Variants in ENDOD1 observed in about 807,000 individuals in gnomAD.
ENDOD1 encodes endonuclease domain containing 1.
A neutral mutation model predicts 6.5 loss-of-function variants in ENDOD1; 9 were observed. That is an observed-to-expected ratio of 1.39 (90% CI 0.84 to 2.43). The LOEUF (loss-of-function observed/expected upper bound fraction) is 2.43. Ranked by LOEUF, ENDOD1 falls within the 30% of genes most tolerant of loss-of-function variation. The pLI is 0.00. For synonymous variants in ENDOD1, 255 were observed against 255.2 expected (o/e 1.00, Z 0.01); for missense variants, 648 against 635.5 (o/e 1.02, Z -0.21).
intron 1 of ENDOD1, among the ~76,000 whole-genome samples, chr11:95,121,634 C>A (rs2134173111): frequency 6.6e-6 from 1 of 152,084 alleles, no homozygotes; most frequent in South Asian, 2.1e-4. Context: ...AATTCTGAAA[C>A]AAACAAAAAA....
intron 1 of ENDOD1, among the ~76,000 whole-genome samples, chr11:95,103,100 GGTGTGTGT>G (rs1200141222): frequency 1.2e-5 from 1 of 85,552 alleles, no homozygotes; most frequent in Non-Finnish European, 3.0e-5. Flanking sequence ...AGGCAGAGTG[GGTGTGTGT>G]GTGTGTGTGT....
In ENDOD1 at chr11:95,090,108, G is replaced by T; in HGVS notation, c.181G>T (p.Gly61Cys). The T allele has an allele frequency of 6.3e-7, 1 of 1,584,474 alleles. No homozygotes were observed. Among genetic ancestry groups the T allele is most frequent in the Middle Eastern group, 1.7e-4 (1 of 5,946 alleles). ...CGTGAAGATCTGTCAGCGCGCGGAG[G>T]GTGCTGAGCGCTTCGCCACCCTCTA... ...SHVKICQRAE[G>C]AERFATLYST... The change falls in exon 1 of 2, where the codon GGT (glycine) becomes TGT (cysteine). Residue 61 changes from glycine to cysteine, a missense_variant. Transcript: ENST00000278505.
chr11:95,128,800 G>T lies in ENDOD1; in HGVS notation c.724G>T (p.Asp242Tyr). ...WAMGFVKHTR[D>Y]SDIIEDVMVK... ...CATGGGCTTTGTCAAGCACACCCGG[G>T]ACAGTGACATCATAGAAGATGTGAT... The change falls in exon 2 of 2, where the codon GAC (aspartate) becomes TAC (tyrosine). Residue 242 changes from aspartate to tyrosine, a missense_variant. Asp to Tyr is a radical substitution (Grantham distance 160, BLOSUM62 -3). Transcript: ENST00000278505. The T allele has an allele frequency of 6.2e-7, 1 of 1,614,188 alleles. No homozygotes were observed. Among genetic ancestry groups the T allele is most frequent in the Non-Finnish European group, 8.5e-7 (1 of 1,180,044 alleles).
At chr11:95,098,527 T>C (rs1859008170) in intron 1 of ENDOD1, among the ~76,000 whole-genome samples, 1 of 152,220 alleles carries the variant, frequency 6.6e-6, no homozygotes, top group Non-Finnish European at 1.5e-5. Context: ...ATTAAATATG[T>C]ACAATTCTTT....
intron 1 of ENDOD1, among the ~76,000 whole-genome samples, chr11:95,124,865 G>C (rs1355380333): frequency 6.6e-6 from 1 of 152,194 alleles, no homozygotes; most frequent in Non-Finnish European, 1.5e-5. Flanking sequence ...ATAGCAGTTT[G>C]GGAGTGTATC....
chr11:95,108,019 T>C (rs1215434139), intron 1 of ENDOD1, among the ~76,000 whole-genome samples: 1 of 152,212 alleles, frequency 6.6e-6, no homozygotes, highest in African/African-American at 2.4e-5. Flanking sequence ...CTCCTCGCTG[T>C]GTGTGATGAG....
rs1456264369 is a variant in ENDOD1 at position 95,128,429 on chromosome 11, T to C, written c.353T>C (p.Ile118Thr). 1 of 1,614,152 alleles carries C rather than the reference T, an allele frequency of 6.2e-7. No individual in the cohort carries two copies. Among genetic ancestry groups the C allele is most frequent in the Admixed American group, 1.7e-5 (1 of 60,024 alleles). The part of the protein sequence containing the change: ...LEEAINEAEA[I>T]TSVNSLGSKQ... The stretch of plus-strand genomic sequence containing the variant: ...GAGGCGATTAATGAGGCAGAGGCCA[T>C]CACCTCTGTGAACAGCCTGGGAAGC... Residue 118 changes from isoleucine to threonine, a missense_variant, in exon 2 of 2, where the codon ATC becomes ACC. Transcript: ENST00000278505.
chr11:95,092,806 A>G (rs1858944008), intron 1 of ENDOD1, among the ~76,000 whole-genome samples: 1 of 152,194 alleles, frequency 6.6e-6, no homozygotes, highest in South Asian at 2.1e-4. Flanking sequence ...CCCAGCCAAG[A>G]TCCCCACTGC....
intron 1 of ENDOD1, among the ~76,000 whole-genome samples, chr11:95,091,383 C>T (rs1172694451): frequency 6.6e-6 from 1 of 152,200 alleles, no homozygotes; most frequent in East Asian, 1.9e-4. Context: ...ACAATCTGCA[C>T]CTAGTTTTCT....
intron 1 of ENDOD1, among the ~76,000 whole-genome samples, chr11:95,104,340 C>T (rs782200495): frequency 2.0e-5 from 3 of 151,644 alleles, no homozygotes; most frequent in Admixed American, 6.6e-5. Context: ...CCCAGCTCCT[C>T]GGGAGGCTGA....
intron 1 of ENDOD1, among the ~76,000 whole-genome samples, chr11:95,101,832 T>A (rs1053101708): frequency 5.3e-5 from 8 of 152,124 alleles, no homozygotes; most frequent in Non-Finnish European, 1.2e-4. Flanking sequence ...TGCACATAAA[T>A]GTGAACAATT....
At chr11:95,110,002 C>A (rs1332336767) in intron 1 of ENDOD1, among the ~76,000 whole-genome samples, 4 of 152,260 alleles carry the variant, frequency 2.6e-5, no homozygotes, top group African/African-American at 9.6e-5. Flanking sequence ...GGTGTAAGTA[C>A]AAAAACTCAA....
chr11:95,128,634 G>A lies in ENDOD1; in HGVS notation c.558G>A (p.Leu186=), dbSNP rs372338676. The part of the protein sequence containing the change: ...VNLHSLMDRA[L]TPQCGSGEDL... ...TCCACAGCCTAATGGACCGGGCTTTGACCCCACAGTGTGGCAGTGGGGAAG... is the reference window on the plus strand; with the variant it reads ...TCCACAGCCTAATGGACCGGGCTTTAACCCCACAGTGTGGCAGTGGGGAAG... The change falls in exon 2 of 2, where the codon TTG becomes TTA. Residue 186 remains leucine (L), a synonymous_variant. Transcript: ENST00000278505. The A allele has an allele frequency of 6.2e-7, 1 of 1,614,184 alleles. No individual in the cohort carries two copies. Among genetic ancestry groups the A allele is most frequent in the Non-Finnish European group, 8.5e-7 (1 of 1,180,036 alleles).
At chr11:95,100,738 C>A (rs1555110753) in intron 1 of ENDOD1, among the ~76,000 whole-genome samples, 2 of 151,416 alleles carry the variant, frequency 1.3e-5, no homozygotes, top group African/African-American at 4.9e-5. Context: ...TTCAAGTGAT[C>A]CTCCTGTATC....
intron 1 of ENDOD1, among the ~76,000 whole-genome samples, chr11:95,115,934 G>A (rs1859204614): frequency 6.6e-6 from 1 of 152,078 alleles, no homozygotes; most frequent in Non-Finnish European, 1.5e-5. Flanking sequence ...CATCAGAGAT[G>A]CTGGCCTCTG....
rs1310559334 is a variant in ENDOD1 at position 95,129,335 on chromosome 11, T to C, written c.1259T>C (p.Leu420Pro). Residue 420 changes from leucine (L) to proline (P), a missense_variant, in exon 2 of 2, where the codon CTG (leucine) becomes CCG (proline). Leu to Pro is a moderately conservative substitution (Grantham distance 98, BLOSUM62 -3). Coordinates refer to ENST00000278505, the MANE Select transcript of ENDOD1 (RefSeq NM_015036.3). ...RALLRILCCL[L>P]KAICRVLSIP... ...CTCCTCCGGATCCTTTGTTGTCTGC[T>C]GAAGGCCATTTGCCGAGTTCTGAGC... The C allele has an allele frequency of 6.2e-7, 1 of 1,614,100 alleles. No homozygotes were observed. The highest frequency in any genetic ancestry group is 2.2e-5 in the East Asian group (1 of 44,886).
chr11:95,109,246 A>G (rs1041712261), intron 1 of ENDOD1, among the ~76,000 whole-genome samples: 1 of 152,182 alleles, frequency 6.6e-6, no homozygotes, highest in Non-Finnish European at 1.5e-5. Context: ...AAAATTCTCC[A>G]GGGGAAGGAA....
At chr11:95,099,778 A>T (rs1396905300) in intron 1 of ENDOD1, among the ~76,000 whole-genome samples, 1 of 152,194 alleles carries the variant, frequency 6.6e-6, no homozygotes, top group Non-Finnish European at 1.5e-5. Flanking sequence ...ACAGCTTGGT[A>T]AATGTGCCTT....
At chr11:95,104,708 G>C (rs565758567) in intron 1 of ENDOD1, among the ~76,000 whole-genome samples, 1 of 152,206 alleles carries the variant, frequency 6.6e-6, no homozygotes, top group African/African-American at 2.4e-5. Context: ...TCACAGGCAC[G>C]GGAAAAGAGA....
Sources: allele counts gnomAD v4.1 joint callset (sites outside exome capture counted in the v4.1 genomes callset), GRCh38; gene constraint gnomAD v4.1.1; transcripts MANE v1.5; gene names NCBI Gene and HGNC (gene_info 2026-07-23, HGNC 2026-07-21).